The following PTBP3 variants were observed in gnomAD, a reference collection of about 807,000 sequenced individuals.
The protein encoded by PTBP3 is polypyrimidine tract-binding protein 3.
PTBP3 carries 20 observed loss-of-function variants against 58.7 expected under a neutral mutation model. That is an observed-to-expected ratio of 0.34 (90% CI 0.24 to 0.50). PTBP3 has a LOEUF of 0.50. PTBP3 is among the 20% of genes least tolerant of loss of function. The probability of loss-of-function intolerance (pLI) is 0.98; values close to 1 mark genes in which losing one functional copy is unlikely to be tolerated. For missense variants in PTBP3, 509 were observed against 637.2 expected, an observed-to-expected ratio of 0.80 and a Z score of 2.17; for synonymous variants, 185 against 219.8, an observed-to-expected ratio of 0.84 and a Z score of 1.40.
the PTBP3 span, among the ~76,000 whole-genome samples, chr9:112,369,442 G>A: frequency 6.6e-6 from 1 of 152,214 alleles, no homozygotes; most frequent in African/African-American, 2.4e-5. Flanking sequence ...CGGAGTCAAA[G>A]GAGATTATTT....
At chr9:112,343,467 A>T in the PTBP3 span, among the ~76,000 whole-genome samples, 1 of 152,206 alleles carries the variant, frequency 6.6e-6, no homozygotes, top group Non-Finnish European at 1.5e-5. Flanking sequence ...ATCCAACTTT[A>T]AAAATTTTGT....
chr9:112,286,120 C>T (rs1589867201), intron 2 of PTBP3, among the ~76,000 whole-genome samples: 1 of 152,298 alleles, frequency 6.6e-6, no homozygotes, highest in East Asian at 1.9e-4. Context: ...ATTAGTACAG[C>T]TAACTACTCC....
the PTBP3 span, among the ~76,000 whole-genome samples, chr9:112,340,924 C>T: frequency 6.6e-6 from 1 of 151,674 alleles, no homozygotes; most frequent in Admixed American, 6.6e-5. Context: ...GTTTCATGGA[C>T]TCCATATTTA....
intron 1 of PTBP3, among the ~76,000 whole-genome samples, chr9:112,320,480 G>A (rs1033618053): frequency 4.6e-5 from 7 of 151,300 alleles, no homozygotes; most frequent in African/African-American, 1.7e-4. Context: ...AAAATAAAAT[G>A]TCAAACATCA....
intron 3 of PTBP3, among the ~76,000 whole-genome samples, chr9:112,275,139 A>T (rs1297123851): frequency 8.7e-5 from 13 of 148,698 alleles, no homozygotes; most frequent in East Asian, 5.9e-4. Context: ...TATACTTTTT[A>T]TTTTTTTTTT....
chr9:112,290,454 T>A (rs1014085628), intron 2 of PTBP3, among the ~76,000 whole-genome samples: 1 of 151,814 alleles, frequency 6.6e-6, no homozygotes, highest in Non-Finnish European at 1.5e-5. Flanking sequence ...GTGGGATTAC[T>A]TGAGGTCAAG....
At chr9:112,361,502 T>C in the PTBP3 span, among the ~76,000 whole-genome samples, 8 of 152,212 alleles carry the variant, frequency 5.3e-5, no homozygotes, top group African/African-American at 1.9e-4. Flanking sequence ...TGGAGTATCA[T>C]ATCCTGTTTT....
intron 10 of PTBP3, among the ~76,000 whole-genome samples, chr9:112,229,650 G>A (rs1391394561): frequency 2.0e-5 from 3 of 151,752 alleles, no homozygotes; most frequent in Admixed American, 6.6e-5. Flanking sequence ...CAAGTATTCC[G>A]AATTTGCTAC....
chr9:112,310,676 C>T (rs1829437538), intron 1 of PTBP3, among the ~76,000 whole-genome samples: 1 of 152,152 alleles, frequency 6.6e-6, no homozygotes, highest in Non-Finnish European at 1.5e-5. Context: ...GTATTATGTC[C>T]TAAAGTCTTA....
Position 112,327,357 on chromosome 9 carries a change from G to A in PTBP3, c.-52+6113C>T, listed in dbSNP as rs185844845. Among the ~76,000 whole-genome samples, 987 of 152,004 alleles carry A rather than the reference G, an allele frequency of 6.5e-3. 11 individuals are homozygous for A. Among genetic ancestry groups the A allele is most frequent in the African/African-American group, 0.022 (925 of 41,444 alleles). On this transcript the variant is annotated intron_variant, in intron 1 of 13. Transcript: ENST00000374257. ...GGGCAGATCACGAGGTTAGGAGTTC[G>A]AGACCAGCCTGGCCAATATGGTGAA...
upstream of PTBP3, among the ~76,000 whole-genome samples, chr9:112,335,955 C>G (rs779975606): frequency 2.0e-5 from 3 of 151,266 alleles, no homozygotes; most frequent in East Asian, 6.0e-4. Flanking sequence ...CTCACTGCAA[C>G]CTCTGCCTCC....
At chr9:112,243,653 G>A (rs1232686515) in intron 7 of PTBP3, among the ~76,000 whole-genome samples, 2 of 152,158 alleles carry the variant, frequency 1.3e-5, no homozygotes, top group African/African-American at 4.8e-5. Flanking sequence ...GCAAATTACT[G>A]GAATTCATAA....
At position 112,252,735 on chromosome 9, in the gene PTBP3, A is replaced by G. The variant is rs1836180809; in HGVS notation, c.570T>C (p.Asn190=). The change falls in exon 6 of 14, where the codon AAT becomes AAC. Residue 190 remains asparagine (N), a synonymous_variant. Coordinates refer to ENST00000374257, the MANE Select transcript of PTBP3 (RefSeq NM_001163788.4). ...CATACTGAAGCAAGGCTTGAAACTG[A>G]TTATTCTTTGTAAAGGTGATAATCT... ...VLKIITFTKN[N]QFQALLQYAD... is the part of the protein sequence containing the mutation. 6 of 1,612,542 alleles carry G rather than the reference A, an allele frequency of 3.7e-6. No homozygotes were observed. Among genetic ancestry groups the G allele is most frequent in the African/African-American group, 1.3e-5 (1 of 74,892 alleles).
At chr9:112,306,603 TATTTTTGTTTG>T (rs1564450871) in intron 1 of PTBP3, among the ~76,000 whole-genome samples, 2 of 89,832 alleles carry the variant, frequency 2.2e-5, no homozygotes, top group African/African-American at 9.0e-5. Context: ...TATATATATA[TATTTTTGTTTG>T]TTTGTTTGTT....
At chr9:112,269,355 T>C (rs1017295412) in intron 3 of PTBP3, among the ~76,000 whole-genome samples, 5 of 152,036 alleles carry the variant, frequency 3.3e-5, no homozygotes, top group Non-Finnish European at 7.4e-5. Flanking sequence ...ACACTAATAA[T>C]ACCCAGAGTC....
In PTBP3 at chr9:112,223,742, A is replaced by AGAAAT. The variant is rs2131937984; in HGVS notation, c.*108_*109insATTTC. On this transcript the variant is annotated 3_prime_UTR_variant, in exon 14 of 14. Transcript: ENST00000374257. Reference sequence around the variant, plus strand: ...TAAAATATACTTGAATATCAAACTCAGAGTTATTTTTGTGAAAGAGGCAAA... The same window carrying AGAAAT: ...TAAAATATACTTGAATATCAAACTCAGAAATGAGTTATTTTTGTGAAAGAGGCAAA... The AGAAAT allele has an allele frequency of 7.3e-7, 1 of 1,370,848 alleles. No homozygotes were observed. The highest frequency in any genetic ancestry group is 2.7e-5 in the East Asian group (1 of 37,168). The allele number at this position is 1,370,848 out of a possible 1,614,324, so 84.9% of individuals were successfully genotyped here.
At chr9:112,232,320 G>A in intron 8 of PTBP3, 82 bp from the exon 9 acceptor site, 3 of 1,331,480 alleles carry the variant, frequency 2.3e-6, no homozygotes, top group South Asian at 3.0e-5. Flanking sequence ...AAATAAAGAG[G>A]AAAGGAAAAC....
intron 2 of PTBP3, among the ~76,000 whole-genome samples, chr9:112,279,582 C>T (rs961612913): frequency 1.3e-5 from 2 of 152,024 alleles, no homozygotes; most frequent in Non-Finnish European, 2.9e-5. Context: ...ATAACCACCA[C>T]AAAAATCAAG....
At chr9:112,369,345 G>A in the PTBP3 span, among the ~76,000 whole-genome samples, 5 of 152,306 alleles carry the variant, frequency 3.3e-5, no homozygotes, top group Middle Eastern at 3.4e-3. Flanking sequence ...CTGGGAGGGC[G>A]TCTGTACCCT....
Sources: gnomAD v4.1 joint callset for allele counts (sites outside exome capture counted in the v4.1 genomes callset) on GRCh38, gnomAD v4.1.1 for gene constraint, MANE v1.5 for transcripts, NCBI Gene and HGNC (gene_info 2026-07-23, HGNC 2026-07-21) for gene names.